The following BIN2 variants were observed in gnomAD, a reference collection of about 807,000 sequenced individuals.
BIN2 encodes the protein breast cancer associated protein BRAP1.
A neutral mutation model predicts 67.9 loss-of-function variants in BIN2; 43 were observed. The ratio of observed to expected loss-of-function variants is 0.63; its 90% CI spans 0.50 to 0.82. BIN2 has a LOEUF of 0.82. Among genes scored for constraint, BIN2 ranks in the 40% least tolerant of loss-of-function variants. BIN2 has a pLI of 0.00. For synonymous variants in BIN2, 244 were observed against 246.8 expected, an observed-to-expected ratio of 0.99 and a Z score of 0.11; for missense variants, 581 against 671.6, an observed-to-expected ratio of 0.87 and a Z score of 1.49.
intron 2 of BIN2, among the ~76,000 whole-genome samples, chr12:51,310,611 G>A: frequency 6.6e-6 from 1 of 152,156 alleles, no homozygotes; most frequent in Non-Finnish European, 1.5e-5. Flanking sequence ...CATATGCATG[G>A]AAGAATCTCA....
At chr12:51,315,752 G>A (rs1592281147) in intron 1 of BIN2, among the ~76,000 whole-genome samples, 1 of 152,290 alleles carries the variant, frequency 6.6e-6, no homozygotes, top group Middle Eastern at 3.4e-3. Flanking sequence ...AGACCTGAAT[G>A]CTATCCATGT....
At chr12:51,314,463 T>C (rs549773815) in intron 1 of BIN2, among the ~76,000 whole-genome samples, 2 of 152,236 alleles carry the variant, frequency 1.3e-5, no homozygotes, top group African/African-American at 4.8e-5. Flanking sequence ...GGATACGTAG[T>C]AGTGAGCTAG....
intron 10 of BIN2, among the ~76,000 whole-genome samples, chr12:51,289,671 T>C (rs1488735351): frequency 6.6e-6 from 1 of 152,032 alleles, no homozygotes; most frequent in East Asian, 1.9e-4. Flanking sequence ...TTCACAGAAC[T>C]AGTTGCTCTT....
rs767273976 is a variant in BIN2, at chr12:51,284,705, T to A, written c.1668+11A>T. ...TAATGCCCAATCTATTCTCTGTATA[T>A]CTGGTCTTACCTCTTCTTGAGGTTC... On this transcript the variant is annotated intron_variant, in intron 12 of 12. Coordinates refer to ENST00000615107, the MANE Select transcript of BIN2 (RefSeq NM_016293.4). The A allele has an allele frequency of 6.3e-7, 1 of 1,592,942 alleles. No homozygotes were observed. The highest frequency in any genetic ancestry group is 8.6e-7 in the Non-Finnish European group (1 of 1,160,968).
At chr12:51,306,729 T>C (rs1945873507) in intron 2 of BIN2, among the ~76,000 whole-genome samples, 1 of 152,210 alleles carries the variant, frequency 6.6e-6, no homozygotes, top group Non-Finnish European at 1.5e-5. Context: ...CTGGTGACCA[T>C]GAGAAAGCAC....
chr12:51,312,095 T>C (rs1946011425), intron 2 of BIN2, among the ~76,000 whole-genome samples: 1 of 152,058 alleles, frequency 6.6e-6, no homozygotes, highest in Non-Finnish European at 1.5e-5. Flanking sequence ...TTTATAGATG[T>C]GTCAATGTTG....
At chr12:51,289,069 A>C (rs568762179) in intron 10 of BIN2, among the ~76,000 whole-genome samples, 18 of 152,104 alleles carry the variant, frequency 1.2e-4, no homozygotes, top group African/African-American at 3.9e-4. Context: ...ACATCAAGGA[A>C]AGAGAACTAA....
At chr12:51,315,235 T>C (rs2137435130) in intron 1 of BIN2, among the ~76,000 whole-genome samples, 1 of 152,158 alleles carries the variant, frequency 6.6e-6, no homozygotes, top group South Asian at 2.1e-4. Context: ...AGTGGCACTA[T>C]CTCGGCTCAC....
At chr12:51,307,395 AG>A (rs1244042431) in intron 2 of BIN2, among the ~76,000 whole-genome samples, 2 of 152,058 alleles carry the variant, frequency 1.3e-5, no homozygotes, top group African/African-American at 4.8e-5. Flanking sequence ...AATACAATAA[AG>A]TAATAAAAAC....
chr12:51,295,838 T>C lies in BIN2; in HGVS notation c.719A>G (p.Lys240Arg). The change falls in exon 9 of 13, where the codon AAG (lysine) becomes AGG (arginine). Residue 240 changes from lysine (K) to arginine (R), a missense_variant. Lys to Arg is a conservative substitution (Grantham distance 26). Coordinates refer to ENST00000615107, the MANE Select transcript of BIN2 (RefSeq NM_016293.4). ...NLYEVMSKLEKQHSNKVFVVK... is the reference protein window; with the variant it reads ...NLYEVMSKLERQHSNKVFVVK... Reference sequence around the variant, plus strand: ...CACAAAGACTTTATTGGAATGTTGCTTCTCCAGTTTGCTCATCACCTCGTA... The same window carrying C: ...CACAAAGACTTTATTGGAATGTTGCCTCTCCAGTTTGCTCATCACCTCGTA... 1 of 1,613,378 alleles carries C rather than the reference T, an allele frequency of 6.2e-7. No individual in the cohort carries two copies.
At chr12:51,324,437 T>C, upstream of BIN2, 3 of 1,461,410 alleles carry the variant, frequency 2.1e-6, no homozygotes, top group Non-Finnish European at 2.7e-6. Context: ...CCAGTTCCCA[T>C]CACGCTGAGC....
At chr12:51,303,458 G>A (rs1945786338) in intron 2 of BIN2, among the ~76,000 whole-genome samples, 1 of 152,096 alleles carries the variant, frequency 6.6e-6, no homozygotes. Context: ...GCAATTCTCT[G>A]GCTTGCACCC....
chr12:51,299,357 T>C, intron 6 of BIN2, 69 bp from the exon 7 acceptor site: 1 of 1,453,310 alleles, frequency 6.9e-7, no homozygotes, highest in Non-Finnish European at 9.6e-7. Flanking sequence ...GCCTCCTTCA[T>C]CCTCTGCATT....
rs771635732 is a variant in BIN2, at chr12:51,313,840, T to A, written c.145A>T (p.Asn49Tyr). ...CAGATTACCTGTTGTTGGTAGAAGT[T>A]GCTAGCGCTTTGTTCAAATCGTTCA... ...KDERFEQSAS[N>Y]FYQQQAEGHK... Residue 49 changes from asparagine (N) to tyrosine (Y), a missense_variant, in exon 2 of 13, where the codon AAC becomes TAC. By Grantham distance (143) the Asn-to-Tyr change is moderately radical. Coordinates refer to ENST00000615107, the MANE Select transcript of BIN2 (RefSeq NM_016293.4). 1 of 1,613,606 alleles carries A rather than the reference T, an allele frequency of 6.2e-7. No individual in the cohort carries two copies. Among genetic ancestry groups the A allele is most frequent in the East Asian group, 2.2e-5 (1 of 44,880 alleles).
intron 3 of BIN2, 143 bp from the exon 4 acceptor site, chr12:51,302,923 C>A: frequency 8.9e-7 from 1 of 1,125,284 alleles, no homozygotes; most frequent in East Asian, 2.4e-5. Context: ...CTGGATGGGG[C>A]TGAAAGGAAA....
At chr12:51,292,655 C>G (rs937317877) in intron 9 of BIN2, among the ~76,000 whole-genome samples, 1 of 152,276 alleles carries the variant, frequency 6.6e-6, no homozygotes, top group African/African-American at 2.4e-5. Context: ...GATTTCATAT[C>G]TGTGAATTAC....
upstream of BIN2, chr12:51,324,615 T>G: frequency 7.5e-7 from 1 of 1,335,382 alleles, no homozygotes; most frequent in Non-Finnish European, 9.9e-7. Context: ...CTGGTAGGGA[T>G]AGAGTGCAGA....
chr12:51,297,359 G>A, intron 7 of BIN2, 195 bp from the exon 8 acceptor site: 1 of 499,546 alleles, frequency 2.0e-6, no homozygotes, highest in Non-Finnish European at 3.6e-6. Flanking sequence ...ATGAAGTCAG[G>A]AGATCAAGAC....
chr12:51,302,060 C>T lies in BIN2; in HGVS notation c.368G>A (p.Arg123Lys). The change falls in exon 5 of 13, where the codon AGG becomes AAG. Residue 123 changes from arginine to lysine, a missense_variant. Coordinates refer to ENST00000615107, the MANE Select transcript of BIN2 (RefSeq NM_016293.4). ...CTGGGCAACATAGATTTCCATGGTC[C>T]TTACAGCCTGGTCAGCCAGTTTCTC... ...YEEKLADQAV[R>K]TMEIYVAQFS... is the part of the protein sequence containing the mutation. 1 of 1,613,768 alleles carries T rather than the reference C, an allele frequency of 6.2e-7. No individual in the cohort carries two copies. Among genetic ancestry groups the T allele is most frequent in the Non-Finnish European group, 8.5e-7 (1 of 1,179,732 alleles).
Sources: allele counts gnomAD v4.1 joint callset (sites outside exome capture counted in the v4.1 genomes callset), GRCh38; gene constraint gnomAD v4.1.1; transcripts MANE v1.5; gene names NCBI Gene and HGNC (gene_info 2026-07-23, HGNC 2026-07-21).